The following ARHGEF7 variants were observed in gnomAD, a reference collection of about 807,000 sequenced individuals.
ARHGEF7 encodes PAK-interacting exchange factor beta.
Under a neutral mutation model 109.8 loss-of-function variants are expected in ARHGEF7, and 33 were observed. That is an observed-to-expected ratio of 0.30 (90% confidence interval 0.23 to 0.40). ARHGEF7 has a LOEUF of 0.40. ARHGEF7 is among the 10% of genes least tolerant of loss of function. ARHGEF7 has a pLI of 1.00. For synonymous variants in ARHGEF7, 458 were observed against 424.6 expected, an observed-to-expected ratio of 1.08 and a Z score of -0.97; for missense variants, 938 against 1,098.5, an observed-to-expected ratio of 0.85 and a Z score of 2.07.
At chr13:111,123,570 C>T (rs186714393) in intron 1 of ARHGEF7, among the ~76,000 whole-genome samples, 1 of 152,314 alleles carries the variant, frequency 6.6e-6, no homozygotes, top group African/African-American at 2.4e-5. Context: ...CACAAGAGTG[C>T]TTGTACCTTT....
intron 2 of ARHGEF7, among the ~76,000 whole-genome samples, chr13:111,162,188 T>G (rs762916109): frequency 1.3e-5 from 2 of 152,240 alleles, no homozygotes; most frequent in Non-Finnish European, 2.9e-5. Flanking sequence ...CTTGAATCTT[T>G]TATATATTTT....
intron 8 of ARHGEF7, among the ~76,000 whole-genome samples, chr13:111,249,368 C>T (rs755755289): frequency 7.2e-5 from 11 of 151,804 alleles, no homozygotes; most frequent in African/African-American, 1.2e-4. Context: ...CAGTTGAGGA[C>T]GTGCCAGGTA....
chr13:111,166,801 C>G (rs557162088), intron 2 of ARHGEF7, among the ~76,000 whole-genome samples: 1 of 152,290 alleles, frequency 6.6e-6, no homozygotes, highest in East Asian at 1.9e-4. Context: ...TTCAGGGATG[C>G]GGCCTGGGCT....
chr13:111,175,924 G>A (rs376551833), intron 2 of ARHGEF7, among the ~76,000 whole-genome samples: 5 of 152,326 alleles, frequency 3.3e-5, no homozygotes, highest in African/African-American at 1.2e-4. Flanking sequence ...CGGCAGGAAG[G>A]AGAAATGCAG....
At chr13:111,120,517 G>T (rs544621040) in intron 1 of ARHGEF7, among the ~76,000 whole-genome samples, 1 of 145,016 alleles carries the variant, frequency 6.9e-6, no homozygotes, top group African/African-American at 2.4e-5. Context: ...ACGCACACAC[G>T]CACACACAGA....
At chr13:111,141,168 G>C (rs2075327308) in intron 1 of ARHGEF7, among the ~76,000 whole-genome samples, 1 of 152,128 alleles carries the variant, frequency 6.6e-6, no homozygotes, top group South Asian at 2.1e-4. Context: ...ATTAACTAAA[G>C]TTCACAGTTT....
At chr13:111,166,788 G>T (rs902001561) in intron 2 of ARHGEF7, among the ~76,000 whole-genome samples, 3 of 152,342 alleles carry the variant, frequency 2.0e-5, no homozygotes, top group African/African-American at 7.2e-5. Flanking sequence ...ATCAGGTCTG[G>T]ACTTCAGGGA....
chr13:111,172,360 T>G (rs2077684709), intron 2 of ARHGEF7, among the ~76,000 whole-genome samples: 1 of 152,190 alleles, frequency 6.6e-6, no homozygotes. Context: ...TCTAGGGGCT[T>G]TTAGAGCATC....
chr13:111,153,570 G>A (rs1209025785), intron 1 of ARHGEF7: 12 of 1,043,416 alleles, frequency 1.2e-5, no homozygotes, highest in Non-Finnish European at 1.2e-5. Flanking sequence ...AGGGTGGGCT[G>A]CGTCCGCGGG....
intron 1 of ARHGEF7, among the ~76,000 whole-genome samples, chr13:111,123,192 C>T (rs57876493): frequency 6.6e-6 from 1 of 152,204 alleles, no homozygotes; most frequent in Non-Finnish European, 1.5e-5. Context: ...TAGCCCAGGC[C>T]TTGGAAAGGC....
chr13:111,300,913 C>A (rs1408281508), intron 20 of ARHGEF7, 66 bp downstream of exon 20: 16 of 1,014,472 alleles, frequency 1.6e-5, no homozygotes, highest in Non-Finnish European at 2.3e-5. Flanking sequence ...AGAGTCCAGA[C>A]AACTCCCTGA....
intron 2 of ARHGEF7, among the ~76,000 whole-genome samples, chr13:111,194,303 G>GGCT (rs1327649849): frequency 6.6e-6 from 1 of 152,140 alleles, no homozygotes; most frequent in Non-Finnish European, 1.5e-5. Context: ...AGGTTTTGAA[G>GGCT]GCTGTTTCTG....
Position 111,275,619 on chromosome 13 carries a change from A to G in ARHGEF7, c.1360A>G (p.Lys454Glu). The G allele has an allele frequency of 4.3e-6, 7 of 1,614,208 alleles. No individual in the cohort carries two copies. Among genetic ancestry groups the G allele is most frequent in the Non-Finnish European group, 5.9e-6 (7 of 1,180,036 alleles). The change falls in exon 12 of 22, where the codon AAA (lysine) becomes GAA (glutamate). Residue 454 changes from lysine to glutamate, a missense_variant. Around this residue, in one of 4 missense-constraint regions of ARHGEF7, gnomAD observed 585 missense variants for 723.6 expected, o/e 0.81. Coordinates refer to ENST00000646102, the MANE Select transcript of ARHGEF7 (RefSeq NM_001354046.2). ...CCGGAACTGGGAGGGCGATGACATT[A>G]AAACTCTGGGCAACGTCACTTACAT... is the stretch of plus-strand genomic sequence containing the variant. ...AIRNWEGDDI[K>E]TLGNVTYMSQ...
At chr13:111,237,010 C>A (rs1263213896) in intron 6 of ARHGEF7, among the ~76,000 whole-genome samples, 2 of 152,150 alleles carry the variant, frequency 1.3e-5, no homozygotes, top group African/African-American at 4.8e-5. Context: ...TCACTCTTGC[C>A]AGTGATCTGT....
chr13:111,263,395 A>C (rs2153578554), intron 8 of ARHGEF7, among the ~76,000 whole-genome samples: 1 of 151,968 alleles, frequency 6.6e-6, no homozygotes, highest in Non-Finnish European at 1.5e-5. Flanking sequence ...GCTATGCTGA[A>C]ATATGACTTA....
intron 2 of ARHGEF7, among the ~76,000 whole-genome samples, chr13:111,196,439 A>G (rs1387669171): frequency 2.0e-5 from 3 of 152,262 alleles, no homozygotes; most frequent in African/African-American, 7.2e-5. Context: ...TAACAATAGC[A>G]TGACATCTCT....
intron 3 of ARHGEF7, among the ~76,000 whole-genome samples, chr13:111,206,470 G>T (rs1364434291): frequency 6.6e-6 from 1 of 152,174 alleles, no homozygotes; most frequent in Non-Finnish European, 1.5e-5. Flanking sequence ...CAGACCCCAG[G>T]CAGAGGTGTG....
At position 111,153,912 on chromosome 13, in the gene ARHGEF7, C is replaced by G. The variant is rs777912997; in HGVS notation, c.173C>G (p.Pro58Arg). 6.9e-6 allele frequency: 11 copies of G among 1,605,136 alleles called. No homozygotes were observed. The highest frequency in any genetic ancestry group is 8.5e-7 in the Non-Finnish European group (1 of 1,177,178). Reference protein sequence around the residue: ...LLPGTIEKVYPEPRSESECLS... With the variant: ...LLPGTIEKVYREPRSESECLS... ...TTGTGCTCTGTATTGCAGGTCTACC[C>G]CGAGCCCCGGAGCGAGAGCGAGTGC... The change falls in exon 2 of 22, where the codon CCC (proline) becomes CGC (arginine). Residue 58 changes from proline to arginine, a missense_variant. By Grantham distance (103) the Pro-to-Arg change is moderately radical. Coordinates refer to ENST00000646102, the MANE Select transcript of ARHGEF7 (RefSeq NM_001354046.2).
intron 15 of ARHGEF7, 132 bp from the exon 16 acceptor site, chr13:111,283,007 G>C: frequency 8.1e-7 from 1 of 1,227,136 alleles, no homozygotes; most frequent in East Asian, 2.6e-5. Context: ...AGATACGAAT[G>C]AAATGATAAA....
Sources: gnomAD v4.1 joint callset for allele counts (sites outside exome capture counted in the v4.1 genomes callset) on GRCh38, gnomAD v4.1.1 for gene constraint, gnomAD v4.1.1 regional missense constraint, MANE v1.5 for transcripts, NCBI Gene and HGNC (gene_info 2026-07-23, HGNC 2026-07-21) for gene names.